The following RIF1 variants were observed in gnomAD, a reference collection of about 807,000 sequenced individuals.
RIF1 encodes the protein telomere-associated protein RIF1.
In RIF1, 45 loss-of-function variants were observed where a neutral mutation model predicts 247.1. That is an observed-to-expected ratio of 0.18 (90% CI 0.14 to 0.23). The LOEUF (loss-of-function observed/expected upper bound fraction) is 0.23, where lower values mean the gene tolerates loss of function less well. Among genes scored for constraint, RIF1 ranks in the 10% least tolerant of loss-of-function variants. The pLI is 1.00. For synonymous variants in RIF1, 1,087 were observed against 978.8 expected (o/e 1.11, Z -2.06); for missense variants, 2,967 against 2,862.5 (o/e 1.04, Z -0.83).
the RIF1 span, among the ~76,000 whole-genome samples, chr2:151,516,130 G>C: frequency 6.6e-6 from 1 of 152,140 alleles, no homozygotes; most frequent in South Asian, 2.1e-4. Context: ...AAAGCCAAAG[G>C]GGTGTCTGTG....
In RIF1 at chr2:151,414,879, G is replaced by A. The variant is rs541537242; in HGVS notation, c.240G>A (p.Gly80=). ...GTAGTGCTGCTCTACAAGCCCTGGGGTTTTGCTTATATAATCCCAAAATTA... is the reference window on the plus strand; with the variant it reads ...GTAGTGCTGCTCTACAAGCCCTGGGATTTTGCTTATATAATCCCAAAATTA... ...ELSSAALQAL[G]FCLYNPKITS... Residue 80 remains glycine, a synonymous_variant, in exon 4 of 36, where the codon GGG becomes GGA. Coordinates refer to ENST00000444746, the MANE Select transcript of RIF1 (RefSeq NM_018151.5). The A allele has an allele frequency of 1.2e-6, 2 of 1,613,148 alleles. No individual in the cohort carries two copies. The highest frequency in any genetic ancestry group is 2.2e-5 in the South Asian group (2 of 90,860).
At chr2:151,469,063 T>G (rs1489942105) in intron 33 of RIF1, among the ~76,000 whole-genome samples, 1 of 152,180 alleles carries the variant, frequency 6.6e-6, no homozygotes, top group Non-Finnish European at 1.5e-5. Flanking sequence ...GGATGAAGTT[T>G]ACAAAGATTA....
intron 6 of RIF1, among the ~76,000 whole-genome samples, chr2:151,418,588 G>A (rs1687611073): frequency 6.6e-6 from 1 of 151,968 alleles, no homozygotes. Flanking sequence ...GTTCAGGCCT[G>A]TAAGAATAAT....
chr2:151,517,468 A>T, the RIF1 span, among the ~76,000 whole-genome samples: 1 of 152,232 alleles, frequency 6.6e-6, no homozygotes, highest in Non-Finnish European at 1.5e-5. Context: ...GTGATATAGG[A>T]GGTCATGTGA....
Position 151,503,432 on chromosome 2 carries a change from T to C in RIF1, c.*861+247T>C, listed in dbSNP as rs758478063. 3.1e-6 allele frequency: 5 copies of C among 1,606,748 alleles called. No individual in the cohort carries two copies. The highest frequency in any genetic ancestry group is 3.4e-6 in the Non-Finnish European group (4 of 1,173,478). On this transcript the variant is annotated intron_variant and NMD_transcript_variant, in intron 12 of 13. Coordinates refer to the RIF1 transcript ENST00000454583. Reference sequence around the variant, plus strand: ...GGAATGCCTGTTCCCAAGTTTTCTTTGTACATAACCTGTAGAAAATAATTA... The same window carrying C: ...GGAATGCCTGTTCCCAAGTTTTCTTCGTACATAACCTGTAGAAAATAATTA...
rs200269437 is a variant in RIF1 at position 151,499,371 on chromosome 2, A to G, written c.*540A>G. ...GATGGGGATTGGAATCCCTTTTCCA[A>G]CGTTTTCTTTATACAACACCTGTAT... On this transcript the variant is annotated 3_prime_UTR_variant and NMD_transcript_variant, in exon 11 of 14. Coordinates refer to the RIF1 transcript ENST00000454583. 2.5e-4 allele frequency: 392 copies of G among 1,543,878 alleles called. No homozygotes were observed. Among genetic ancestry groups the G allele is most frequent in the Admixed American group, 3.5e-4 (18 of 50,752 alleles).
chr2:151,519,566 G>T, the RIF1 span: 1 of 897,748 alleles, frequency 1.1e-6, no homozygotes, highest in Non-Finnish European at 1.8e-6. Flanking sequence ...ATAATATTGT[G>T]AGTGTTATAA....
Position 151,464,641 on chromosome 2 carries a change from GC to G in RIF1, c.5122del (p.Leu1708PhefsTer19). 1 of 1,613,392 alleles carries G rather than the reference GC, an allele frequency of 6.2e-7. No homozygotes were observed. Among genetic ancestry groups the G allele is most frequent in the Non-Finnish European group, 8.5e-7 (1 of 1,179,640 alleles). On this transcript the variant is annotated frameshift_variant, in exon 30 of 36. Coordinates refer to ENST00000444746, the MANE Select transcript of RIF1 (RefSeq NM_018151.5). LOFTEE classifies it high-confidence loss of function. ...SKIGISDISSLSEKTFQTLEC... is the reference protein window; with the variant it reads ...SKIGISDISSXSEKTFQTLEC... ...AAATAGGGATATCAGATATTTCTTC[GC>G]TTTCAGAAAAAACTTTTCAAACACT...
At position 151,465,546 on chromosome 2, in the gene RIF1, A is replaced by C; in HGVS notation, c.6026A>C (p.His2009Pro). 3 of 1,613,986 alleles carry C rather than the reference A, an allele frequency of 1.9e-6. No homozygotes were observed. Among genetic ancestry groups the C allele is most frequent in the Non-Finnish European group, 1.7e-6 (2 of 1,179,940 alleles). ...GGAGGAAATGATGTATCTGATCTACACTCATCTGAAGAAACGAATACCAAA... is the reference window on the plus strand; with the variant it reads ...GGAGGAAATGATGTATCTGATCTACCCTCATCTGAAGAAACGAATACCAAA... Reference protein sequence around the residue: ...LDGGNDVSDLHSSEETNTKMK... With the variant: ...LDGGNDVSDLPSSEETNTKMK... Residue 2009 changes from histidine (H) to proline (P), a missense_variant, in exon 30 of 36, where the codon CAC becomes CCC. His to Pro is a moderately conservative substitution (Grantham distance 77, BLOSUM62 -2). Around this residue, in one of 7 missense-constraint regions of RIF1, gnomAD observed 2,028 missense variants for 1,825.6 expected, o/e 1.11. Transcript: ENST00000444746.
At chr2:151,504,326 C>G (rs984968610) in intron 12 of RIF1, among the ~76,000 whole-genome samples, 1 of 152,152 alleles carries the variant, frequency 6.6e-6, no homozygotes, top group Non-Finnish European at 1.5e-5. Context: ...AACAAAGTTG[C>G]ATTTCTTTAC....
In RIF1 at chr2:151,464,355, T is replaced by A. The variant is rs980554308; in HGVS notation, c.4835T>A (p.Val1612Glu). ...HDYKATSEED[V>E]SIKSPICEKQ... ...TATAAAGCAACTTCTGAAGAAGATG[T>A]AAGCATAAAATCTCCGATTTGCGAA... is the stretch of plus-strand genomic sequence containing the variant. Residue 1612 changes from valine to glutamate, a missense_variant, in exon 30 of 36, where the codon GTA becomes GAA. This residue lies in a region of RIF1 where 2,028 missense variants were observed against 1,825.6 expected (regional missense o/e 1.11). Transcript: ENST00000444746. 1.9e-6 allele frequency: 3 copies of A among 1,610,916 alleles called. No homozygotes were observed. The East Asian group carries it at 6.7e-5, about 36-fold the overall frequency.
chr2:151,493,517 T>C (rs1574746638), intron 9 of RIF1: 2 of 986,002 alleles, frequency 2.0e-6, no homozygotes, highest in Non-Finnish European at 3.0e-6. Flanking sequence ...ACTTAGCTGG[T>C]GTTATGGCTC....
chr2:151,497,376 T>TG (rs899042217), intron 10 of RIF1: 76 of 981,028 alleles, frequency 7.7e-5, no homozygotes, highest in Non-Finnish European at 3.6e-5. Flanking sequence ...CCACACAAAC[T>TG]GAAAAACTCA....
At chr2:151,454,368 C>G (rs1694849897) in intron 21 of RIF1, among the ~76,000 whole-genome samples, 1 of 152,072 alleles carries the variant, frequency 6.6e-6, no homozygotes, top group Non-Finnish European at 1.5e-5. Context: ...TTCTTTATAT[C>G]TAGGAAATAG....
the RIF1 span, among the ~76,000 whole-genome samples, chr2:151,521,981 A>G: frequency 6.6e-6 from 1 of 152,182 alleles, no homozygotes; most frequent in African/African-American, 2.4e-5. Context: ...TAGTAAAACT[A>G]CATACACTTG....
rs1411002832 is a variant in RIF1, at chr2:151,473,974, G to A, written c.7106G>A (p.Arg2369His). The change falls in exon 35 of 36, where the codon CGT becomes CAT. Residue 2369 changes from arginine (R) to histidine (H), a missense_variant. Around this residue, in one of 7 missense-constraint regions of RIF1, gnomAD observed 151 missense variants for 163.4 expected, o/e 0.92. Coordinates refer to ENST00000444746, the MANE Select transcript of RIF1 (RefSeq NM_018151.5). The part of the protein sequence containing the change: ...RIYHEQQVKT[R>H]GLEEIPVFDI... ...CCAACTGTAATCAAGGTGAAGACTC[G>A]TGGACTAGAAGAGATTCCAGTTTTT... The A allele has an allele frequency of 1.0e-5, 16 of 1,570,188 alleles. No homozygotes were observed. The highest frequency in any genetic ancestry group is 1.7e-5 in the Admixed American group (1 of 58,492).
At chr2:151,473,590 G>A (rs371892875) in intron 34 of RIF1, among the ~76,000 whole-genome samples, 15 of 151,838 alleles carry the variant, frequency 9.9e-5, no homozygotes, top group East Asian at 5.8e-4. Context: ...AGAAAATTGT[G>A]TTCTTTTTTT....
the RIF1 span, chr2:151,519,630 A>G: frequency 7.3e-6 from 11 of 1,505,388 alleles, no homozygotes; most frequent in Non-Finnish European, 9.2e-6. Flanking sequence ...ACCATGTTAT[A>G]TATTTTACCA....
Position 151,469,703 on chromosome 2 carries a change from T to C in RIF1, c.6942-8T>C. The C allele has an allele frequency of 6.6e-7, 1 of 1,521,342 alleles. No individual in the cohort carries two copies. The highest frequency in any genetic ancestry group is 1.3e-5 in the South Asian group (1 of 74,560). 94.2% of individuals were successfully genotyped at this position (1,521,342 alleles called of 1,614,324 possible). A position where few individuals can be genotyped will look rare whatever the true frequency, so the allele number is the denominator to read the frequency against. ...ATAATTATAATTTCCTGTTTCTGTT[T>C]TGTTTAGGGCAAGAGGCCTGGGACA... On this transcript the variant is annotated splice_polypyrimidine_tract_variant and splice_region_variant and intron_variant, in intron 33 of 35. Coordinates refer to ENST00000444746, the MANE Select transcript of RIF1 (RefSeq NM_018151.5).
Sources: gnomAD v4.1 joint callset for allele counts (sites outside exome capture counted in the v4.1 genomes callset) on GRCh38, gnomAD v4.1.1 for gene constraint, gnomAD v4.1.1 regional missense constraint, MANE v1.5 for transcripts, NCBI Gene and HGNC (gene_info 2026-07-23, HGNC 2026-07-21) for gene names.